Variants in CDH4 observed in about 807,000 individuals in gnomAD.
CDH4 encodes cadherin-4.
CDH4 carries 33 observed loss-of-function variants against 86.0 expected under a neutral mutation model. The observed-to-expected ratio is 0.38, with a 90% confidence interval of 0.29 to 0.51. CDH4 has a LOEUF of 0.51. Among genes scored for constraint, CDH4 ranks in the 20% least tolerant of loss-of-function variants. CDH4 has a pLI of 0.86. For synonymous variants in CDH4, 555 were observed against 549.4 expected (o/e 1.01, Z -0.14); for missense variants, 1,114 against 1,307.4 (o/e 0.85, Z 2.28).
intron 9 of CDH4, among the ~76,000 whole-genome samples, chr20:61,919,588 CTTCTTGGGGAAAGCTGATTGA>C (rs1394118692): frequency 6.6e-6 from 1 of 152,256 alleles, no homozygotes; most frequent in African/African-American, 2.4e-5. Context: ...TGCCCTCATG[CTTCTTGGGGAAAGCTGATTGA>C]TTCCTCCAGC....
intron 2 of CDH4, among the ~76,000 whole-genome samples, chr20:61,453,017 T>C (rs1206906424): frequency 6.6e-6 from 1 of 152,158 alleles, no homozygotes; most frequent in Non-Finnish European, 1.5e-5. Context: ...TCTCCTAAGT[T>C]AGCAGTATAG....
At chr20:61,893,990 C>T (rs1984981436) in intron 7 of CDH4, among the ~76,000 whole-genome samples, 1 of 152,138 alleles carries the variant, frequency 6.6e-6, no homozygotes, top group Non-Finnish European at 1.5e-5. Context: ...GGTCTTTTCC[C>T]TTAACCTCTT....
intron 2 of CDH4, among the ~76,000 whole-genome samples, chr20:61,732,643 C>T (rs1419465534): frequency 6.6e-6 from 1 of 152,232 alleles, no homozygotes; most frequent in Non-Finnish European, 1.5e-5. Context: ...CTCCATAACA[C>T]TACCCCTACC....
chr20:61,399,247 C>T (rs2085036327), intron 2 of CDH4, among the ~76,000 whole-genome samples: 1 of 106,384 alleles, frequency 9.4e-6, no homozygotes, highest in Admixed American at 1.0e-4. Flanking sequence ...ATTCTCCTGC[C>T]TCAGCCTCCC....
intron 2 of CDH4, among the ~76,000 whole-genome samples, chr20:61,596,173 T>C (rs779956898): frequency 6.6e-6 from 1 of 152,222 alleles, no homozygotes; most frequent in Non-Finnish European, 1.5e-5. Flanking sequence ...GTATTTTTGG[T>C]CTTTACCTGT....
chr20:61,394,798 C>G (rs995916208), intron 2 of CDH4, among the ~76,000 whole-genome samples: 12 of 148,496 alleles, frequency 8.1e-5, no homozygotes, highest in South Asian at 4.7e-4. Flanking sequence ...TTCGTACTTT[C>G]AAAAAAACAT....
chr20:61,396,797 T>G (rs2085020155), intron 2 of CDH4, among the ~76,000 whole-genome samples: 1 of 152,206 alleles, frequency 6.6e-6, no homozygotes, highest in Non-Finnish European at 1.5e-5. Flanking sequence ...AGGAGGGAGA[T>G]GCCGGGGGCT....
rs539656710 is a variant in CDH4 at position 61,325,652 on chromosome 20, TG to T, written c.169+70722del. Reference sequence around the variant, plus strand: ...AGCACTGGCCCAGGGTGGTGCGACTTGGGGGGGCCACAGCAAAGCGGGCCCC... The same window carrying T: ...AGCACTGGCCCAGGGTGGTGCGACTTGGGGGGCCACAGCAAAGCGGGCCCC... On this transcript the variant is annotated intron_variant, in intron 2 of 15. Transcript: ENST00000614565. Among the ~76,000 whole-genome samples, 70 of 150,750 alleles carry T rather than the reference TG, an allele frequency of 4.6e-4. 1 individual carries two copies. In the South Asian group the frequency reaches 9.7e-3, roughly 21 times the overall value.
intron 2 of CDH4, among the ~76,000 whole-genome samples, chr20:61,725,859 C>T (rs1388865039): frequency 6.6e-6 from 1 of 152,156 alleles, no homozygotes; most frequent in Non-Finnish European, 1.5e-5. Flanking sequence ...CAAGTGATTT[C>T]ATTAGCTCAG....
intron 5 of CDH4, among the ~76,000 whole-genome samples, chr20:61,848,519 T>C (rs1982565371): frequency 1.3e-5 from 2 of 151,600 alleles, no homozygotes; most frequent in African/African-American, 2.4e-5. Context: ...CTTTTTTTAT[T>C]GTATTGTATT....
At chr20:61,391,800 C>T (rs2084987718) in intron 2 of CDH4, among the ~76,000 whole-genome samples, 1 of 152,116 alleles carries the variant, frequency 6.6e-6, no homozygotes, top group Non-Finnish European at 1.5e-5. Context: ...AATTACCTGC[C>T]CTGCATCCAA....
In CDH4 at chr20:61,570,427, C is replaced by T. The variant is rs73914864; in HGVS notation, c.170-173136C>T. 2,820 of 489,492 alleles carry T rather than the reference C, an allele frequency of 5.8e-3. 54 individuals carry two copies. Among genetic ancestry groups the T allele is most frequent in the African/African-American group, 0.045 (2,350 of 52,204 alleles). The allele number at this position is 489,492 out of a possible 1,614,324, so 30.3% of individuals were successfully genotyped here. ...TGCAGACGTACACTTTGGGCTTCAG[C>T]AGCCCTGGTGCTGCCTTGAGCTTGA... On this transcript the variant is annotated intron_variant, in intron 2 of 15. Coordinates refer to ENST00000614565, the MANE Select transcript of CDH4 (RefSeq NM_001794.5).
intron 2 of CDH4, among the ~76,000 whole-genome samples, chr20:61,314,722 AT>A (rs1271379018): frequency 6.6e-6 from 1 of 152,008 alleles, no homozygotes; most frequent in African/African-American, 2.4e-5. Flanking sequence ...GCTCATCCCA[AT>A]TTATCTTCCC....
intron 2 of CDH4, among the ~76,000 whole-genome samples, chr20:61,672,803 C>A (rs2087405292): frequency 6.6e-6 from 1 of 152,008 alleles, no homozygotes; most frequent in Non-Finnish European, 1.5e-5. Flanking sequence ...AGGACTGGGG[C>A]CCTGTGTCCC....
At chr20:61,769,054 G>C (rs1158255422) in intron 3 of CDH4, among the ~76,000 whole-genome samples, 3 of 152,214 alleles carry the variant, frequency 2.0e-5, no homozygotes, top group Non-Finnish European at 4.4e-5. Context: ...GGGAGCTGCA[G>C]ATGCCCAGAG....
chr20:61,470,650 C>T (rs2085496788), intron 2 of CDH4, among the ~76,000 whole-genome samples: 1 of 151,996 alleles, frequency 6.6e-6, no homozygotes, highest in Non-Finnish European at 1.5e-5. Context: ...TTTTCTCATT[C>T]AGTATGACAC....
chr20:61,363,713 G>A (rs766293043), intron 2 of CDH4, among the ~76,000 whole-genome samples: 8 of 152,320 alleles, frequency 5.3e-5, no homozygotes, highest in Non-Finnish European at 8.8e-5. Context: ...GAGAATCAAC[G>A]TGGCCAGAGC....
intron 8 of CDH4, among the ~76,000 whole-genome samples, chr20:61,908,821 G>A (rs552163904): frequency 1.9e-4 from 29 of 152,312 alleles, no homozygotes; most frequent in African/African-American, 5.5e-4. Context: ...ATGGGAGGCC[G>A]GGGAAGGACA....
intron 2 of CDH4, among the ~76,000 whole-genome samples, chr20:61,425,590 C>T (rs2085208615): frequency 6.6e-6 from 1 of 152,260 alleles, no homozygotes. Context: ...CAGAGCACAT[C>T]CCGCAGGAGG....
Sources: allele counts gnomAD v4.1 joint callset (sites outside exome capture counted in the v4.1 genomes callset), GRCh38; gene constraint gnomAD v4.1.1; transcripts MANE v1.5; gene names NCBI Gene and HGNC (gene_info 2026-07-23, HGNC 2026-07-21).